Variants in SLC34A1 observed in about 807,000 individuals in gnomAD.
The protein encoded by SLC34A1 is solute carrier family 34 member 1, also known as sodium-dependent phosphate transport protein 2A.
A neutral mutation model predicts 51.4 loss-of-function variants in SLC34A1; 57 were observed. The observed-to-expected ratio is 1.11, with a 90% confidence interval of 0.90 to 1.38. The LOEUF (loss-of-function observed/expected upper bound fraction) is 1.38. Ranked by LOEUF, SLC34A1 falls within the 40% of genes most tolerant of loss-of-function variation. SLC34A1 has a pLI of 0.00. For missense variants in SLC34A1, 796 were observed against 835.6 expected, an observed-to-expected ratio of 0.95 and a Z score of 0.58; for synonymous variants, 368 against 358.0, an observed-to-expected ratio of 1.03 and a Z score of -0.32.
intron 12 of SLC34A1, 97 bp from the exon 13 acceptor site, chr5:177,397,686 C>G (rs1763015256): frequency 6.5e-7 from 1 of 1,536,866 alleles, no homozygotes; most frequent in African/African-American, 1.4e-5. Flanking sequence ...TCCTGCTGCC[C>G]AGACCAGATC....
In SLC34A1 at chr5:177,388,124, G is replaced by A. The variant is rs1355800524; in HGVS notation, c.775G>A (p.Gly259Ser). ...TGTGGTGGCCTCCTTCAACATCCAT[G>A]GTGGCCGTGATGCTCCTGACCTGCT... ...RLVVASFNIH[G>S]GRDAPDLLKI... is the part of the protein sequence containing the mutation. Residue 259 changes from glycine (G) to serine (S), a missense_variant, in exon 7 of 13, where the codon GGT becomes AGT. Transcript: ENST00000324417. This position sits in a 1 kb window ranked among gnomAD's most constrained non-coding sequence, Gnocchi z 4.3. 12 of 1,613,994 alleles carry A rather than the reference G, an allele frequency of 7.4e-6. No homozygotes were observed. The South Asian group carries it at 9.9e-5, about 13-fold the overall frequency.
chr5:177,388,476 A>C lies in SLC34A1; in HGVS notation c.936+104A>C. ...GATAGACCTTGAAGATCATTTAGCCAGGAGAGGGCAAATATGTGGCCCTTC... is the reference window on the plus strand; with the variant it reads ...GATAGACCTTGAAGATCATTTAGCCCGGAGAGGGCAAATATGTGGCCCTTC... On this transcript the variant is annotated intron_variant, in intron 8 of 12. Coordinates refer to ENST00000324417, the MANE Select transcript of SLC34A1 (RefSeq NM_003052.5). The surrounding 1 kb of genome is among the most constrained non-coding windows in gnomAD (Gnocchi z 4.3). 4.1e-6 allele frequency: 4 copies of C among 982,470 alleles called. No individual in the cohort carries two copies. The highest frequency in any genetic ancestry group is 6.4e-6 in the Non-Finnish European group (4 of 627,762). The allele number at this position is 982,470 out of a possible 1,614,324, so 60.9% of individuals were successfully genotyped here. A position where few individuals can be genotyped will look rare whatever the true frequency, so the allele number is the denominator to read the frequency against.
Position 177,386,343 on chromosome 5 carries a change from G to A in SLC34A1, c.382G>A (p.Ala128Thr), listed in dbSNP as rs1762571098. The A allele has an allele frequency of 6.2e-7, 1 of 1,614,148 alleles. No individual in the cohort carries two copies. The highest frequency in any genetic ancestry group is 8.5e-7 in the Non-Finnish European group (1 of 1,180,054). Residue 128 changes from alanine (A) to threonine (T), a missense_variant, in exon 4 of 13, where the codon GCT becomes ACT. Physicochemically the swap from Ala to Thr is moderately conservative, Grantham distance 58. Transcript: ENST00000324417. This position sits in a 1 kb window ranked among gnomAD's most constrained non-coding sequence, Gnocchi z 4.8. ...CATGCTCAGCTCGGCCTTCCAGCTG[G>A]CTGGAGGTAGGGCCCGGGTGGAGGA... is the stretch of plus-strand genomic sequence containing the variant. ...LDMLSSAFQLAGGKVAGDIFK... is the reference protein window; with the variant it reads ...LDMLSSAFQLTGGKVAGDIFK...
intron 1 of SLC34A1, among the ~76,000 whole-genome samples, chr5:177,385,068 G>C (rs554285665): frequency 2.8e-4 from 42 of 152,190 alleles, no homozygotes; most frequent in Admixed American, 6.5e-5. Context: ...TGCCCCTTGA[G>C]GGGGTGGATG....
rs1470037105 is a variant in SLC34A1 at position 177,396,887 on chromosome 5, G to A, written c.1291+38G>A. On this transcript the variant is annotated intron_variant, in intron 11 of 12. Coordinates refer to ENST00000324417, the MANE Select transcript of SLC34A1 (RefSeq NM_003052.5). This position sits in a 1 kb window ranked among gnomAD's most constrained non-coding sequence, Gnocchi z 4.0. Reference sequence around the variant, plus strand: ...GTAGAGGTGGAGTGGGGTGGGCCAGGGCTGGCAGGGAAAGGGCCGAAGGAG... The same window carrying A: ...GTAGAGGTGGAGTGGGGTGGGCCAGAGCTGGCAGGGAAAGGGCCGAAGGAG... 5 of 1,614,048 alleles carry A rather than the reference G, an allele frequency of 3.1e-6. No homozygotes were observed. The highest frequency in any genetic ancestry group is 1.7e-5 in the Admixed American group (1 of 60,008).
rs73804337 is a variant in SLC34A1, at chr5:177,385,881, G to C, written c.109+31G>C. ...TGCTGCTCCCACACCCTGGACCCTG[G>C]TTGCCCACGGTTGCCCACATCCCGG... On this transcript the variant is annotated intron_variant, in intron 2 of 12. Transcript: ENST00000324417. 15,296 of 1,609,498 alleles carry C rather than the reference G, an allele frequency of 9.5e-3. 878 individuals are homozygous for C. In the African/African-American group the frequency reaches 0.15, roughly 16 times the overall value.
At position 177,385,688 on chromosome 5, in the gene SLC34A1, C is replaced by T; in HGVS notation, c.-47-7C>T. 7.9e-7 allele frequency: 1 copy of T among 1,272,984 alleles called. No homozygotes were observed. Among genetic ancestry groups the T allele is most frequent in the East Asian group, 2.3e-5 (1 of 42,560 alleles). The allele number at this position is 1,272,984 out of a possible 1,614,324, so 78.9% of individuals were successfully genotyped here. A position where few individuals can be genotyped will look rare whatever the true frequency, so the allele number is the denominator to read the frequency against. On this transcript the variant is annotated splice_polypyrimidine_tract_variant and splice_region_variant and intron_variant, in intron 1 of 12. Coordinates refer to ENST00000324417, the MANE Select transcript of SLC34A1 (RefSeq NM_003052.5). ...TGAGTGTCCCGGACACAGCTATTGT[C>T]ATTCAGCGTTGCTGAGACCCACTGA...
In SLC34A1 at chr5:177,387,856, C is replaced by G. The variant is rs1273114276; in HGVS notation, c.627C>G (p.Asp209Glu). Residue 209 changes from aspartate (D) to glutamate (E), a missense_variant, in exon 6 of 13, where the codon GAC becomes GAG. Transcript: ENST00000324417. ...NTIVALMQAG[D>E]RTDFRRAFAG... ...TCGTGGCCCTGATGCAGGCGGGGGA[C>G]AGGACTGACTTCCGGCGGTGAGGGG... The G allele has an allele frequency of 6.2e-7, 1 of 1,604,428 alleles. No homozygotes were observed. Among genetic ancestry groups the G allele is most frequent in the Non-Finnish European group, 8.5e-7 (1 of 1,177,948 alleles).
At chr5:177,390,946 G>T (rs1432467889) in intron 8 of SLC34A1, among the ~76,000 whole-genome samples, 1 of 152,214 alleles carries the variant, frequency 6.6e-6, no homozygotes, top group Non-Finnish European at 1.5e-5. Context: ...CTGCAGAGGA[G>T]GAAACTGAGG....
chr5:177,386,637 G>C lies in SLC34A1; in HGVS notation c.532+71G>C. The C allele has an allele frequency of 6.3e-7, 1 of 1,578,496 alleles. No homozygotes were observed. The highest frequency in any genetic ancestry group is 8.7e-7 in the Non-Finnish European group (1 of 1,154,560). ...AGGAGCTGGGAAGGGTGGCAAATGG[G>C]GAGCGTGACCCCAGTAAGGCTGGCC... is the stretch of plus-strand genomic sequence containing the variant. On this transcript the variant is annotated intron_variant, in intron 5 of 12. Coordinates refer to ENST00000324417, the MANE Select transcript of SLC34A1 (RefSeq NM_003052.5). The surrounding 1 kb of genome is among the most constrained non-coding windows in gnomAD (Gnocchi z 4.8).
Position 177,386,164 on chromosome 5 carries a change from C to T in SLC34A1, c.259+28C>T, listed in dbSNP as rs199697717. 132 of 1,613,574 alleles carry T rather than the reference C, an allele frequency of 8.2e-5. No homozygotes were observed. In the East Asian group the frequency reaches 1.8e-3, roughly 22 times the overall value. ...GGGCCTGGGCTGGGGGTGGCAGAGG[C>T]GGCAGCAGTCCCTGCCCTGGCCTCT... On this transcript the variant is annotated intron_variant, in intron 3 of 12. Transcript: ENST00000324417. This position sits in a 1 kb window ranked among gnomAD's most constrained non-coding sequence, Gnocchi z 4.8.
chr5:177,394,933 T>C (rs969936500), intron 10 of SLC34A1, among the ~76,000 whole-genome samples: 1 of 151,894 alleles, frequency 6.6e-6, no homozygotes, highest in Non-Finnish European at 1.5e-5. Context: ...CACCTGATGA[T>C]CCACCCGCCT....
At chr5:177,384,940 G>A (rs547141719) in intron 1 of SLC34A1, among the ~76,000 whole-genome samples, 3 of 151,946 alleles carry the variant, frequency 2.0e-5, no homozygotes, top group Non-Finnish European at 4.4e-5. Context: ...AGCCAAGGAC[G>A]CTGGGACAAT....
Position 177,397,927 on chromosome 5 carries a change from G to C in SLC34A1, c.1561G>C (p.Val521Leu). Reference protein sequence around the residue: ...YRWFAVLYLLVCFLLLPSLVF... With the variant: ...YRWFAVLYLLLCFLLLPSLVF... ...CTGGTTTGCCGTCCTCTATCTCCTT[G>C]TCTGCTTCCTGCTGCTGCCCTCACT... The change falls in exon 13 of 13, where the codon GTC (valine) becomes CTC (leucine). Residue 521 changes from valine (V) to leucine (L), a missense_variant. Physicochemically the swap from Val to Leu is conservative, Grantham distance 32. Coordinates refer to ENST00000324417, the MANE Select transcript of SLC34A1 (RefSeq NM_003052.5). 6.2e-7 allele frequency: 1 copy of C among 1,614,030 alleles called. No homozygotes were observed. The highest frequency in any genetic ancestry group is 2.2e-5 in the East Asian group (1 of 44,888).
Position 177,398,272 on chromosome 5 carries a change from G to A in SLC34A1, c.1906G>A (p.Ala636Thr). Residue 636 changes from alanine (A) to threonine (T), a missense_variant, in exon 13 of 13, where the codon GCC becomes ACC. Coordinates refer to ENST00000324417, the MANE Select transcript of SLC34A1 (RefSeq NM_003052.5). The surrounding 1 kb of genome is among the most constrained non-coding windows in gnomAD (Gnocchi z 4.7). Reference sequence around the variant, plus strand: ...TCTTGCACTGCCTGCTCACCACAATGCCACCCGCCTCTAGGCTGTGGGCCC... The same window carrying A: ...TCTTGCACTGCCTGCTCACCACAATACCACCCGCCTCTAGGCTGTGGGCCC... ...PRLALPAHHN[A>T]TRL 6.3e-7 allele frequency: 1 copy of A among 1,598,668 alleles called. No homozygotes were observed. The highest frequency in any genetic ancestry group is 8.5e-7 in the Non-Finnish European group (1 of 1,179,906).
intron 8 of SLC34A1, 124 bp from the exon 9 acceptor site, chr5:177,393,570 C>T (rs903113505): frequency 1.0e-5 from 9 of 880,412 alleles, no homozygotes; most frequent in African/African-American, 1.0e-4. Flanking sequence ...GGGCAAGAGA[C>T]CCATCCATGG....
rs531455169 is a variant in SLC34A1, at chr5:177,391,238, C to T, written c.937-2456C>T. Among the ~76,000 whole-genome samples, 9 of 152,328 alleles carry T rather than the reference C, an allele frequency of 5.9e-5. No individual in the cohort carries two copies. The East Asian group carries it at 1.2e-3, about 20-fold the overall frequency. On this transcript the variant is annotated intron_variant, in intron 8 of 12. Coordinates refer to ENST00000324417, the MANE Select transcript of SLC34A1 (RefSeq NM_003052.5). ...GGAAGCCCCAGGGCCTGCTCCCTCCCGGCAGTTCACTCTCTGCCTGGCTTT... is the reference window on the plus strand; with the variant it reads ...GGAAGCCCCAGGGCCTGCTCCCTCCTGGCAGTTCACTCTCTGCCTGGCTTT...
chr5:177,390,238 G>T, intron 8 of SLC34A1: 1 of 991,014 alleles, frequency 1.0e-6, no homozygotes, highest in South Asian at 4.5e-5. Flanking sequence ...CTACCAGATG[G>T]GGAAAGCAGC....
intron 5 of SLC34A1, among the ~76,000 whole-genome samples, chr5:177,387,331 C>T (rs1326356126): frequency 1.3e-5 from 2 of 152,120 alleles, no homozygotes; most frequent in Non-Finnish European, 2.9e-5. Context: ...GGAGGCAGAG[C>T]TTGCAGTGAG....
Sources: gnomAD v4.1 joint callset for allele counts (sites outside exome capture counted in the v4.1 genomes callset) on GRCh38, gnomAD v4.1.1 for gene constraint, Gnocchi (gnomAD v3.1) non-coding constraint, MANE v1.5 for transcripts, NCBI Gene and HGNC (gene_info 2026-07-23, HGNC 2026-07-21) for gene names.